Variants in FARP2 observed in about 807,000 individuals in gnomAD.
FARP2 encodes the protein FERM, ARH/RhoGEF and pleckstrin domain protein 2, also known as FERM, ARHGEF and pleckstrin domain-containing protein 2.
In FARP2, 111 loss-of-function variants were observed where a neutral mutation model predicts 130.5. The observed-to-expected ratio is 0.85, with a 90% CI of 0.73 to 1.00. FARP2 has a LOEUF of 1.00. Among genes scored for constraint, FARP2 ranks in the 50% least tolerant of loss-of-function variants. The pLI is 0.00. For synonymous variants in FARP2, 504 were observed against 516.9 expected (o/e 0.98, Z 0.34); for missense variants, 1,385 against 1,346.3 (o/e 1.03, Z -0.45).
rs543212304 is a variant in FARP2 at position 241,365,806 on chromosome 2, ACTTG to A, written c.-24-7274_-24-7271del. Reference sequence around the variant, plus strand: ...GTTTCATTTCGTTTGGGTTTTTAGGACTTGCTTTTCTAAAATATTGATTTAATTT... The same window carrying A: ...GTTTCATTTCGTTTGGGTTTTTAGGACTTTTCTAAAATATTGATTTAATTT... On this transcript the variant is annotated intron_variant, in intron 1 of 26. Coordinates refer to ENST00000264042, the MANE Select transcript of FARP2 (RefSeq NM_014808.4). 7.9e-5 allele frequency among the ~76,000 whole-genome samples: 12 copies of A among 151,924 alleles called. No individual in the cohort carries two copies. The East Asian group carries it at 2.3e-3, about 29-fold the overall frequency.
At chr2:241,364,519 A>T (rs1428010808) in intron 1 of FARP2, among the ~76,000 whole-genome samples, 1 of 152,234 alleles carries the variant, frequency 6.6e-6, no homozygotes, top group East Asian at 1.9e-4. Flanking sequence ...AGTTTGTGGA[A>T]ATTTGTTAAG....
At chr2:241,479,314 CAT>C (rs1231979443) in intron 19 of FARP2, among the ~76,000 whole-genome samples, 1 of 152,246 alleles carries the variant, frequency 6.6e-6, no homozygotes, top group Non-Finnish European at 1.5e-5. Flanking sequence ...TGGTACTACA[CAT>C]AGTCTGTAAA....
At chr2:241,452,873 A>T (rs1574853014) in intron 13 of FARP2, among the ~76,000 whole-genome samples, 2 of 151,242 alleles carry the variant, frequency 1.3e-5, no homozygotes, top group African/African-American at 4.9e-5. Context: ...CCCAGGAGGC[A>T]GAGATTGCAG....
At chr2:241,380,377 T>C (rs1272605704) in intron 2 of FARP2, among the ~76,000 whole-genome samples, 1 of 152,134 alleles carries the variant, frequency 6.6e-6, no homozygotes, top group Non-Finnish European at 1.5e-5. Flanking sequence ...CTTGATCTAC[T>C]CGTGCCCATG....
intron 2 of FARP2, among the ~76,000 whole-genome samples, chr2:241,386,956 C>T (rs1448415968): frequency 6.6e-6 from 1 of 152,206 alleles, no homozygotes; most frequent in African/African-American, 2.4e-5. Flanking sequence ...TAACCAAGGT[C>T]CCCTTGCTTT....
chr2:241,451,225 C>T (rs773074812), intron 13 of FARP2, among the ~76,000 whole-genome samples: 1 of 152,126 alleles, frequency 6.6e-6, no homozygotes, highest in African/African-American at 2.4e-5. Context: ...CCACCCACTT[C>T]GACCTTCCAA....
chr2:241,482,160 T>C lies in FARP2; in HGVS notation c.2263-1305T>C, dbSNP rs906840535. 2.0e-5 allele frequency among the ~76,000 whole-genome samples: 3 copies of C among 152,028 alleles called. No homozygotes were observed. Among genetic ancestry groups the C allele is most frequent in the Non-Finnish European group, 4.4e-5 (3 of 68,006 alleles). On this transcript the variant is annotated intron_variant, in intron 19 of 26. Coordinates refer to ENST00000264042, the MANE Select transcript of FARP2 (RefSeq NM_014808.4). The surrounding 1 kb of genome is among the most constrained non-coding windows in gnomAD (Gnocchi z 4.6). ...CCAAAGGGTAAAAAGAACTGTGAAG[T>C]GTCAGGGAGGTGGCAGAACTGTGAG...
chr2:241,466,352 G>A, intron 17 of FARP2: 1 of 985,452 alleles, frequency 1.0e-6, no homozygotes, highest in Non-Finnish European at 1.2e-6. Context: ...TACAACTCCT[G>A]GAGCGCCTGC....
At chr2:241,430,853 A>G (rs1358497028) in intron 8 of FARP2, among the ~76,000 whole-genome samples, 1 of 151,912 alleles carries the variant, frequency 6.6e-6, no homozygotes, top group African/African-American at 2.4e-5. Flanking sequence ...AAAATACAAA[A>G]ATTAGGTGTG....
At chr2:241,462,646 T>A (rs13011791) in intron 15 of FARP2, 34 bp downstream of exon 15, 249,325 of 1,358,098 alleles carry the variant, frequency 0.18, 25,421 homozygotes, top group Middle Eastern at 0.21. Flanking sequence ...GATTTTTTTT[T>A]AAAATAAATC....
chr2:241,414,718 C>T (rs1372215848), intron 7 of FARP2, among the ~76,000 whole-genome samples: 2 of 152,212 alleles, frequency 1.3e-5, no homozygotes, highest in South Asian at 4.1e-4. Flanking sequence ...ATGAGATATA[C>T]AGATGCGTTT....
At chr2:241,444,382 TTAGTATTCATA>T (rs1303785336) in intron 13 of FARP2, 2 of 152,372 alleles carry the variant, frequency 1.3e-5, no homozygotes, top group East Asian at 3.9e-4. Flanking sequence ...TTCCTAAACC[TTAGTATTCATA>T]TGGTAGCTGA....
intron 1 of FARP2, among the ~76,000 whole-genome samples, chr2:241,360,922 T>C (rs1048909921): frequency 5.3e-5 from 8 of 152,040 alleles, no homozygotes; most frequent in Non-Finnish European, 1.0e-4. Flanking sequence ...ATAAAACTTA[T>C]GGTTTCACAT....
intron 7 of FARP2, among the ~76,000 whole-genome samples, chr2:241,414,795 G>A (rs1035418030): frequency 3.3e-5 from 5 of 152,228 alleles, no homozygotes; most frequent in Non-Finnish European, 5.9e-5. Context: ...AAAGAAGGCC[G>A]AGGGCAGGCT....
intron 21 of FARP2, among the ~76,000 whole-genome samples, chr2:241,485,769 GGA>G (rs2064737722): frequency 6.7e-6 from 1 of 148,952 alleles, no homozygotes; most frequent in African/African-American, 2.5e-5. Flanking sequence ...TCCCTCCCTG[GGA>G]TTTTCCCTCC....
At chr2:241,402,839 TATATATATATATATATA>T (rs2062208241) in intron 2 of FARP2, among the ~76,000 whole-genome samples, 1,024 of 30,790 alleles carry the variant, frequency 0.033, 85 homozygotes, top group East Asian at 0.084. Flanking sequence ...AGCTAATTTA[TATATATATATATATATA>T]TATATATATA....
chr2:241,451,612 C>T (rs1328061680), intron 13 of FARP2, among the ~76,000 whole-genome samples: 1 of 152,216 alleles, frequency 6.6e-6, no homozygotes, highest in Non-Finnish European at 1.5e-5. Context: ...CTGATTCTTA[C>T]TGGCTGTTTC....
chr2:241,458,643 C>T (rs1468679663), intron 14 of FARP2, among the ~76,000 whole-genome samples: 1 of 151,954 alleles, frequency 6.6e-6, no homozygotes, highest in Non-Finnish European at 1.5e-5. Context: ...ATTTTGGAAA[C>T]CTAATGACAA....
intron 8 of FARP2, among the ~76,000 whole-genome samples, chr2:241,423,876 A>G (rs2150382187): frequency 6.6e-6 from 1 of 152,364 alleles, no homozygotes; most frequent in Middle Eastern, 3.4e-3. Flanking sequence ...TGGGCATTAT[A>G]TAATGGTAAA....
Sources: gnomAD v4.1 joint callset for allele counts (sites outside exome capture counted in the v4.1 genomes callset) on GRCh38, gnomAD v4.1.1 for gene constraint, Gnocchi (gnomAD v3.1) non-coding constraint, MANE v1.5 for transcripts, NCBI Gene and HGNC (gene_info 2026-07-23, HGNC 2026-07-21) for gene names.